The following ATP10B variants were observed in gnomAD, a reference collection of about 807,000 sequenced individuals.
ATP10B encodes ATPase phospholipid transporting 10B (putative).
Under a neutral mutation model 141.2 loss-of-function variants are expected in ATP10B, and 122 were observed. That is an observed-to-expected ratio of 0.86 (90% CI 0.75 to 1.00). The LOEUF (loss-of-function observed/expected upper bound fraction) is 1.00. ATP10B is among the 50% of genes least tolerant of loss of function. The probability of loss-of-function intolerance (pLI) is 0.00; values close to 1 mark genes in which losing one functional copy is unlikely to be tolerated. For missense variants in ATP10B, 1,876 were observed against 1,825.3 expected (o/e 1.03, Z -0.51); for synonymous variants, 685 against 692.0 (o/e 0.99, Z 0.16).
At chr5:160,840,397 G>A (rs185216940) in intron 1 of ATP10B, among the ~76,000 whole-genome samples, 37 of 151,804 alleles carry the variant, frequency 2.4e-4, no homozygotes, top group Admixed American at 1.6e-3. Flanking sequence ...ACAGACTAAC[G>A]GAATAGAAAT....
intron 1 of ATP10B, among the ~76,000 whole-genome samples, chr5:160,850,980 T>C (rs1445052308): frequency 6.6e-6 from 1 of 152,218 alleles, no homozygotes. Flanking sequence ...AATGGCTTAA[T>C]GTAACTGTAT....
intron 1 of ATP10B, among the ~76,000 whole-genome samples, chr5:160,848,930 T>TAA (rs1430483028): frequency 6.6e-6 from 1 of 152,198 alleles, no homozygotes; most frequent in African/African-American, 2.4e-5. Flanking sequence ...GTACATATAG[T>TAA]AACTGGGCAT....
chr5:160,867,666 T>A, the ATP10B span, among the ~76,000 whole-genome samples: 1 of 152,256 alleles, frequency 6.6e-6, no homozygotes, highest in South Asian at 2.1e-4. Context: ...TTCACCAGAA[T>A]TATAGTTGCT....
the ATP10B span, among the ~76,000 whole-genome samples, chr5:160,915,660 A>G: frequency 6.6e-6 from 1 of 151,824 alleles, no homozygotes; most frequent in Non-Finnish European, 1.5e-5. Context: ...GTACCATCAC[A>G]CCTTCTGGAG....
At chr5:160,904,058 A>G in the ATP10B span, among the ~76,000 whole-genome samples, 7 of 152,096 alleles carry the variant, frequency 4.6e-5, no homozygotes, top group Non-Finnish European at 8.8e-5. Flanking sequence ...GGGCTTCCTG[A>G]TGAGGTTACC....
At chr5:160,579,470 T>C (rs1337687255) in intron 24 of ATP10B, among the ~76,000 whole-genome samples, 1 of 152,166 alleles carries the variant, frequency 6.6e-6, no homozygotes, top group African/African-American at 2.4e-5. Flanking sequence ...AAAGATCAGA[T>C]GGTTGTAGAT....
At chr5:160,752,214 A>G (rs1385203546) in intron 2 of ATP10B, among the ~76,000 whole-genome samples, 1 of 139,242 alleles carries the variant, frequency 7.2e-6, no homozygotes. Flanking sequence ...CAAAAACTAT[A>G]TGATTTCTTC....
intron 2 of ATP10B, among the ~76,000 whole-genome samples, chr5:160,752,183 T>C (rs950664203): frequency 6.6e-6 from 1 of 151,590 alleles, no homozygotes; most frequent in African/African-American, 2.4e-5. Flanking sequence ...CTTTTTTTTT[T>C]TTTTTTTTTT....
chr5:160,690,777 T>A (rs1764029928), intron 3 of ATP10B, among the ~76,000 whole-genome samples: 1 of 152,114 alleles, frequency 6.6e-6, no homozygotes, highest in Non-Finnish European at 1.5e-5. Flanking sequence ...ATTAGTTCAA[T>A]CATTGTGGAA....
At chr5:160,599,103 G>C (rs1756930950) in intron 21 of ATP10B, 133 bp from the exon 22 acceptor site, 1 of 705,328 alleles carries the variant, frequency 1.4e-6, no homozygotes. Flanking sequence ...GTAAGGATGA[G>C]AGAGAATTCT....
the ATP10B span, among the ~76,000 whole-genome samples, chr5:160,880,299 A>T: frequency 4.0e-5 from 6 of 149,570 alleles, no homozygotes; most frequent in Admixed American, 4.0e-4. Context: ...AAAGAAATCA[A>T]AGGAAAAATC....
intron 6 of ATP10B, among the ~76,000 whole-genome samples, chr5:160,677,767 T>A (rs1040720557): frequency 6.6e-6 from 1 of 152,196 alleles, no homozygotes; most frequent in African/African-American, 2.4e-5. Context: ...AGAATATACT[T>A]TTAGGGCAAA....
intron 1 of ATP10B, among the ~76,000 whole-genome samples, chr5:160,797,887 T>A (rs1581551412): frequency 1.4e-5 from 2 of 146,694 alleles, no homozygotes; most frequent in East Asian, 4.0e-4. Context: ...GCCCAGGAGT[T>A]CGAGACCAGC....
intron 1 of ATP10B, among the ~76,000 whole-genome samples, chr5:160,817,087 T>G (rs1773691983): frequency 6.6e-6 from 1 of 152,146 alleles, no homozygotes; most frequent in Non-Finnish European, 1.5e-5. Flanking sequence ...CTTTGAAAAC[T>G]GGCACAAGAC....
intron 2 of ATP10B, among the ~76,000 whole-genome samples, chr5:160,766,265 A>G (rs7722331): frequency 0.67 from 100,543 of 150,820 alleles, 33,807 homozygotes; most frequent in African/African-American, 0.74. Flanking sequence ...CCATGTTTAT[A>G]GCAGCACAAT....
chr5:160,802,027 T>C (rs953303259), intron 1 of ATP10B, among the ~76,000 whole-genome samples: 1 of 152,194 alleles, frequency 6.6e-6, no homozygotes, highest in African/African-American at 2.4e-5. Context: ...AGAGTTCCCA[T>C]TGATCTGCTG....
At chr5:160,910,553 CA>C in the ATP10B span, among the ~76,000 whole-genome samples, 4 of 152,124 alleles carry the variant, frequency 2.6e-5, no homozygotes, top group African/African-American at 9.7e-5. Context: ...CTGCAATTTT[CA>C]AAATACTCTG....
At chr5:160,686,305 T>C in intron 5 of ATP10B, 32 bp from the exon 6 acceptor site, 1 of 1,464,642 alleles carries the variant, frequency 6.8e-7, no homozygotes, top group Non-Finnish European at 9.2e-7. Context: ...GAATAAACAC[T>C]ATGGAGAAGA....
chr5:160,748,006 A>G, intron 2 of ATP10B, among the ~76,000 whole-genome samples: 1 of 151,446 alleles, frequency 6.6e-6, no homozygotes, highest in Non-Finnish European at 1.5e-5. Flanking sequence ...AAAAAAAAAA[A>G]AAAAAAAAAA....
Sources: gnomAD v4.1 joint callset for allele counts (sites outside exome capture counted in the v4.1 genomes callset) on GRCh38, gnomAD v4.1.1 for gene constraint, MANE v1.5 for transcripts, NCBI Gene and HGNC (gene_info 2026-07-23, HGNC 2026-07-21) for gene names.